SLC15A1: variants seen among roughly 807,000 people sequenced by gnomAD.
The protein encoded by SLC15A1 is Caco-2 oligopeptide transporter.
A neutral mutation model predicts 92.9 loss-of-function variants in SLC15A1; 83 were observed. The observed-to-expected ratio is 0.89, with a 90% CI of 0.75 to 1.07. The LOEUF is 1.07. Ranked by LOEUF, SLC15A1 falls within the 50% of genes least tolerant of loss-of-function variation. SLC15A1 has a pLI of 0.00. For synonymous variants in SLC15A1, 322 were observed against 318.2 expected (o/e 1.01, Z -0.13); for missense variants, 857 against 880.1 (o/e 0.97, Z 0.33).
chr13:98,727,259 C>A (rs2088310014), intron 1 of SLC15A1, among the ~76,000 whole-genome samples: 1 of 152,226 alleles, frequency 6.6e-6, no homozygotes. Context: ...GAGTGCCTGA[C>A]ACACTGTGCA....
intron 15 of SLC15A1, among the ~76,000 whole-genome samples, chr13:98,708,154 G>A (rs140303170): frequency 5.1e-4 from 78 of 152,052 alleles, no homozygotes; most frequent in African/African-American, 1.7e-3. Flanking sequence ...AGGAAGTGGT[G>A]GGGAATGGTG....
At position 98,688,299 on chromosome 13, in the gene SLC15A1, A is replaced by G. The variant is rs1185231778; in HGVS notation, c.1632T>C (p.Asn544=). ...CACTACCAAATTCAAGGTAGAAAGT[A>G]TTGAAATTAGGTTGACATTGTGGCG... The part of the protein sequence containing the change: ...EIPPQCQPNF[N]TFYLEFGSAY... Residue 544 remains asparagine (N), a synonymous_variant, in exon 20 of 23, where the codon AAT becomes AAC. Coordinates refer to ENST00000376503, the MANE Select transcript of SLC15A1 (RefSeq NM_005073.4). The G allele has an allele frequency of 1.9e-6, 3 of 1,613,990 alleles. No individual in the cohort carries two copies. Among genetic ancestry groups the G allele is most frequent in the Non-Finnish European group, 2.5e-6 (3 of 1,179,990 alleles).
intron 22 of SLC15A1, 50 bp downstream of exon 22, chr13:98,686,140 C>T (rs1264773201): frequency 7.3e-7 from 1 of 1,368,258 alleles, no homozygotes; most frequent in South Asian, 1.2e-5. Context: ...CCATGATGAC[C>T]ATGAACAGGA....
At chr13:98,715,796 A>G in intron 9 of SLC15A1, 82 bp downstream of exon 9, 1 of 1,152,306 alleles carries the variant, frequency 8.7e-7, no homozygotes, top group Admixed American at 1.9e-5. Context: ...AAGGAAAGTC[A>G]AAGCTTAAAT....
intron 1 of SLC15A1, among the ~76,000 whole-genome samples, chr13:98,739,756 G>A (rs891630375): frequency 1.3e-5 from 2 of 152,114 alleles, no homozygotes; most frequent in African/African-American, 4.8e-5. Context: ...TTATACTACT[G>A]CAAGAACAAA....
chr13:98,726,779 G>C (rs1452725806), intron 2 of SLC15A1, 64 bp downstream of exon 2: 1 of 1,482,918 alleles, frequency 6.7e-7, no homozygotes, highest in Non-Finnish European at 9.4e-7. Flanking sequence ...TGAACCCTTA[G>C]GGGTAAAACA....
chr13:98,741,276 C>A (rs896475746), intron 1 of SLC15A1, among the ~76,000 whole-genome samples: 1 of 152,226 alleles, frequency 6.6e-6, no homozygotes, highest in Non-Finnish European at 1.5e-5. Flanking sequence ...GCATAGCCGG[C>A]ACCCAGGCTG....
At chr13:98,751,739 C>A (rs1041594730) in intron 1 of SLC15A1, among the ~76,000 whole-genome samples, 5 of 152,258 alleles carry the variant, frequency 3.3e-5, no homozygotes, top group Non-Finnish European at 4.4e-5. Context: ...ACACACATCA[C>A]TCCACCAGGA....
intron 1 of SLC15A1, among the ~76,000 whole-genome samples, chr13:98,738,679 G>A (rs2088415385): frequency 6.6e-6 from 1 of 152,256 alleles, no homozygotes; most frequent in South Asian, 2.1e-4. Context: ...GATTTCAGAG[G>A]ATATATGGAA....
chr13:98,719,352 T>C, intron 7 of SLC15A1, 32 bp from the exon 8 acceptor site: 1 of 1,506,210 alleles, frequency 6.6e-7, no homozygotes, highest in Non-Finnish European at 9.2e-7. Flanking sequence ...AAAATTGTTA[T>C]GGCATTGGTA....
intron 17 of SLC15A1, among the ~76,000 whole-genome samples, chr13:98,703,438 TGC>T (rs1357527212): frequency 1.5e-4 from 22 of 151,690 alleles, no homozygotes; most frequent in Non-Finnish European, 2.5e-4. Flanking sequence ...AATTCCATAT[TGC>T]AGTTCCGTAG....
chr13:98,709,950 T>C (rs779516007), intron 11 of SLC15A1, 39 bp from the exon 12 acceptor site: 1 of 1,608,590 alleles, frequency 6.2e-7, no homozygotes, highest in Non-Finnish European at 8.5e-7. Flanking sequence ...TTTGGGGATG[T>C]GGGTTTTTAA....
chr13:98,710,573 T>C (rs941581725), intron 11 of SLC15A1, among the ~76,000 whole-genome samples: 33 of 151,984 alleles, frequency 2.2e-4, no homozygotes, highest in African/African-American at 7.5e-4. Context: ...TCCAGCACTT[T>C]GGGAGGCCGA....
At chr13:98,746,480 T>C (rs892483053) in intron 1 of SLC15A1, among the ~76,000 whole-genome samples, 1 of 152,230 alleles carries the variant, frequency 6.6e-6, no homozygotes, top group Non-Finnish European at 1.5e-5. Context: ...CCACCAGCAG[T>C]GTATAAGCAT....
rs1325450377 is a variant in SLC15A1, at chr13:98,704,332, T to C, written c.1373A>G (p.Gln458Arg). The change falls in exon 17 of 23, where the codon CAA becomes CGA. Residue 458 changes from glutamine to arginine, a missense_variant. Gln to Arg is a conservative substitution (Grantham distance 43). Transcript: ENST00000376503. ...TAVTDDFKQG[Q>R]RHTLLVWAPN... ...GGCCCACACTAGAAGCGTGTGGCGT[T>C]GGCCCTGCTTGAAGTCGTCAGTTAC... The C allele has an allele frequency of 6.2e-7, 1 of 1,613,912 alleles. No individual in the cohort carries two copies. The highest frequency in any genetic ancestry group is 1.7e-5 in the Admixed American group (1 of 60,006).
At chr13:98,748,201 T>C (rs555003099) in intron 1 of SLC15A1, among the ~76,000 whole-genome samples, 82 of 152,350 alleles carry the variant, frequency 5.4e-4, no homozygotes, top group Admixed American at 2.7e-3. Flanking sequence ...AATACCTGCA[T>C]AGATATGCAA....
chr13:98,718,116 G>C (rs2088225164), intron 8 of SLC15A1, among the ~76,000 whole-genome samples: 1 of 152,008 alleles, frequency 6.6e-6, no homozygotes, highest in African/African-American at 2.4e-5. Flanking sequence ...TTAATGGCAA[G>C]AGCTGCAATT....
intron 10 of SLC15A1, 113 bp downstream of exon 10, chr13:98,712,385 G>T (rs2088170864): frequency 2.5e-6 from 2 of 796,146 alleles, no homozygotes; most frequent in South Asian, 1.5e-5. Context: ...TGCTGTAAAG[G>T]TTAGGAAGGT....
chr13:98,690,873 G>T lies in SLC15A1; in HGVS notation c.1467-2296C>A, dbSNP rs79934069. Among the ~76,000 whole-genome samples the T allele has an allele frequency of 4.3e-3, 652 of 152,194 alleles. 29 individuals carry two copies. In the East Asian group the frequency reaches 0.095, roughly 22 times the overall value. ...TAAACATGTCTAAATACTCCCATTC[G>T]TTCCTCCCTGGCCCCCTGGCAGCCA... On this transcript the variant is annotated intron_variant, in intron 18 of 22. Coordinates refer to ENST00000376503, the MANE Select transcript of SLC15A1 (RefSeq NM_005073.4).
Sources: gnomAD v4.1 joint callset for allele counts (sites outside exome capture counted in the v4.1 genomes callset) on GRCh38, gnomAD v4.1.1 for gene constraint, MANE v1.5 for transcripts, NCBI Gene and HGNC (gene_info 2026-07-23, HGNC 2026-07-21) for gene names.